Variants in DRD5 observed in about 807,000 individuals in gnomAD.
The protein encoded by DRD5 is D(1B) dopamine receptor.
For missense variants in DRD5, 758 were observed against 657.8 expected (o/e 1.15, Z -1.67); for synonymous variants, 327 against 277.1 (o/e 1.18, Z -1.79).
rs1718429124 is a variant in DRD5 at position 9,781,811 on chromosome 4, G to A, written c.-219G>A. On this transcript the variant is annotated 5_prime_UTR_variant, in exon 1 of 1. Transcript: ENST00000304374. ...GCTTCCTGTCCCCATCGCGGAGACTGGAGGGGCGCACCACGGCCATGGAGC... is the reference window on the plus strand; with the variant it reads ...GCTTCCTGTCCCCATCGCGGAGACTAGAGGGGCGCACCACGGCCATGGAGC... 3 of 436,070 alleles carry A rather than the reference G, an allele frequency of 6.9e-6. No individual in the cohort carries two copies. The highest frequency in any genetic ancestry group is 1.2e-5 in the Non-Finnish European group (3 of 251,274). The allele number at this position is 436,070 out of a possible 1,614,324, so 27.0% of individuals were successfully genotyped here.
At position 9,783,296 on chromosome 4, in the gene DRD5, C is replaced by A. The variant is rs557760549; in HGVS notation, c.1267C>A (p.Arg423=). Residue 423 remains arginine (R), a synonymous_variant, in exon 1 of 1, where the codon CGG becomes AGG. Coordinates refer to ENST00000304374, the MANE Select transcript of DRD5 (RefSeq NM_000798.5). ...MMPNAVTPGN[R]EVDNDEEEGP... is the part of the protein sequence containing the mutation. ...GCCCAACGCCGTTACCCCCGGCAAC[C>A]GGGAGGTGGACAACGACGAGGAGGA... The A allele has an allele frequency of 6.2e-7, 1 of 1,614,208 alleles. No individual in the cohort carries two copies. Among genetic ancestry groups the A allele is most frequent in the Admixed American group, 1.7e-5 (1 of 60,030 alleles).
In DRD5 at chr4:9,782,121, CG is replaced by C. The variant is rs2108849817; in HGVS notation, c.97del (p.Ala33HisfsTer15). ...LAQGNAVGGSAGAPPLGPSQV... is the reference protein window; with the variant it reads ...LAQGNAVGGSXGAPPLGPSQV... ...CAGGGGAACGCCGTGGGGGGCTCGGCGGGGGCACCGCCACTGGGGCCCTCAC... is the reference window on the plus strand; with the variant it reads ...CAGGGGAACGCCGTGGGGGGCTCGGCGGGGCACCGCCACTGGGGCCCTCAC... On this transcript the variant is annotated frameshift_variant, in exon 1 of 1. Transcript: ENST00000304374. LOFTEE classifies it low-confidence loss of function (END_TRUNC). 1.3e-6 allele frequency: 2 copies of C among 1,545,932 alleles called. No homozygotes were observed. Among genetic ancestry groups the C allele is most frequent in the Non-Finnish European group, 1.7e-6 (2 of 1,145,876 alleles).
rs374715955 is a variant in DRD5, at chr4:9,782,898, A to C, written c.869A>C (p.Lys290Thr). The change falls in exon 1 of 1, where the codon AAG becomes ACG. Residue 290 changes from lysine (K) to threonine (T), a missense_variant. Lys to Thr is a moderately conservative substitution (Grantham distance 78, BLOSUM62 -1). Transcript: ENST00000304374. ...PDTSLRASIKKETKVLKTLSV... is the reference protein window; with the variant it reads ...PDTSLRASIKTETKVLKTLSV... Reference sequence around the variant, plus strand: ...ACCAGCCTGCGCGCTTCCATCAAGAAGGAGACCAAGGTTCTCAAGACCCTG... The same window carrying C: ...ACCAGCCTGCGCGCTTCCATCAAGACGGAGACCAAGGTTCTCAAGACCCTG... 1 of 1,613,862 alleles carries C rather than the reference A, an allele frequency of 6.2e-7. No individual in the cohort carries two copies. The highest frequency in any genetic ancestry group is 1.3e-5 in the African/African-American group (1 of 74,946).
rs2227852 is a variant in DRD5 at position 9,782,741 on chromosome 4, G to A, written c.712G>A (p.Val238Ile). 2 of 1,614,004 alleles carry A rather than the reference G, an allele frequency of 1.2e-6. No homozygotes were observed. The highest frequency in any genetic ancestry group is 1.7e-6 in the Non-Finnish European group (2 of 1,179,868). The change falls in exon 1 of 1, where the codon GTT becomes ATT. Residue 238 changes from valine (V) to isoleucine (I), a missense_variant. Physicochemically the swap from Val to Ile is conservative, Grantham distance 29. Transcript: ENST00000304374. ...CTCGCTCATCAGCTTCTACATCCCC[G>A]TTGCCATCATGATCGTGACCTACAC... is the stretch of plus-strand genomic sequence containing the variant. ...SSSLISFYIPVAIMIVTYTRI... is the reference protein window; with the variant it reads ...SSSLISFYIPIAIMIVTYTRI...
chr4:9,782,351 C>A lies in DRD5; in HGVS notation c.322C>A (p.Pro108Thr), dbSNP rs761938234. 1.7e-5 allele frequency: 28 copies of A among 1,613,922 alleles called. No homozygotes were observed. Among genetic ancestry groups the A allele is most frequent in the Non-Finnish European group, 2.4e-5 (28 of 1,179,890 alleles). ...KAVAEVAGYW[P>T]FGAFCDVWVA... The stretch of plus-strand genomic sequence containing the variant: ...AGTCGCCGAGGTGGCCGGTTACTGG[C>A]CCTTTGGAGCGTTCTGCGACGTCTG... The change falls in exon 1 of 1, where the codon CCC (proline) becomes ACC (threonine). Residue 108 changes from proline (P) to threonine (T), a missense_variant. Pro to Thr is a conservative substitution (Grantham distance 38). Coordinates refer to ENST00000304374, the MANE Select transcript of DRD5 (RefSeq NM_000798.5).
Position 9,782,190 on chromosome 4 carries a change from C to T in DRD5, c.161C>T (p.Thr54Ile). The T allele has an allele frequency of 6.2e-7, 1 of 1,607,066 alleles. No homozygotes were observed. Among genetic ancestry groups the T allele is most frequent in the South Asian group, 1.1e-5 (1 of 90,046 alleles). ...ACLLTLLIIW[T>I]LLGNVLVCAA... ...CTGCTGACCCTACTCATCATCTGGA[C>T]CCTGCTGGGCAACGTGCTGGTGTGC... Residue 54 changes from threonine (T) to isoleucine (I), a missense_variant, in exon 1 of 1, where the codon ACC becomes ATC. Thr to Ile is a moderately conservative substitution (Grantham distance 89). Coordinates refer to ENST00000304374, the MANE Select transcript of DRD5 (RefSeq NM_000798.5).
Position 9,782,011 on chromosome 4 carries a change from C to A in DRD5, c.-19C>A. The A allele has an allele frequency of 6.9e-7, 1 of 1,445,238 alleles. No homozygotes were observed. The highest frequency in any genetic ancestry group is 9.1e-7 in the Non-Finnish European group (1 of 1,102,782). The allele number at this position is 1,445,238 out of a possible 1,614,324, so 89.5% of individuals were successfully genotyped here. On this transcript the variant is annotated 5_prime_UTR_variant, in exon 1 of 1. Transcript: ENST00000304374. ...GAAGTTGGGACCGCGCACAGACCGC[C>A]CCTGCAGTCCAGCCCGAAATGCTGC...
In DRD5 at chr4:9,782,634, C is replaced by T; in HGVS notation, c.605C>T (p.Pro202Leu). The T allele has an allele frequency of 6.2e-7, 1 of 1,613,990 alleles. No individual in the cohort carries two copies. Among genetic ancestry groups the T allele is most frequent in the Non-Finnish European group, 8.5e-7 (1 of 1,179,860 alleles). Reference protein sequence around the residue: ...DLPNNLANWTPWEEDFWEPDV... With the variant: ...DLPNNLANWTLWEEDFWEPDV... Reference sequence around the variant, plus strand: ...CCAAACAACCTGGCCAACTGGACGCCCTGGGAGGAGGACTTTTGGGAGCCC... The same window carrying T: ...CCAAACAACCTGGCCAACTGGACGCTCTGGGAGGAGGACTTTTGGGAGCCC... Residue 202 changes from proline (P) to leucine (L), a missense_variant, in exon 1 of 1, where the codon CCC becomes CTC. Transcript: ENST00000304374.
Position 9,782,024 on chromosome 4 carries a change from CCCGAAATGCTGCCGCCAGGCA to C in DRD5, c.-5_16del. 1 of 1,458,024 alleles carries C rather than the reference CCCGAAATGCTGCCGCCAGGCA, an allele frequency of 6.9e-7. No homozygotes were observed. The highest frequency in any genetic ancestry group is 9.0e-7 in the Non-Finnish European group (1 of 1,110,066). 90.3% of individuals were successfully genotyped at this position (1,458,024 alleles called of 1,614,324 possible). On this transcript the variant is annotated start_lost and 5_prime_UTR_variant, in exon 1 of 1. Transcript: ENST00000304374. ...CGCACAGACCGCCCCTGCAGTCCAG[CCCGAAATGCTGCCGCCAGGCA>C]GCAACGGCACCGCGTACCCGGGGCA...
Position 9,782,333 on chromosome 4 carries a change from G to A in DRD5, c.304G>A (p.Glu102Lys), listed in dbSNP as rs1301629076. 1 of 1,614,038 alleles carries A rather than the reference G, an allele frequency of 6.2e-7. No homozygotes were observed. The highest frequency in any genetic ancestry group is 8.5e-7 in the Non-Finnish European group (1 of 1,179,880). Residue 102 changes from glutamate (E) to lysine (K), a missense_variant, in exon 1 of 1, where the codon GAG becomes AAG. Coordinates refer to ENST00000304374, the MANE Select transcript of DRD5 (RefSeq NM_000798.5). ...LLVMPWKAVA[E>K]VAGYWPFGAF... ...GGTCATGCCCTGGAAGGCAGTCGCCGAGGTGGCCGGTTACTGGCCCTTTGG... is the reference window on the plus strand; with the variant it reads ...GGTCATGCCCTGGAAGGCAGTCGCCAAGGTGGCCGGTTACTGGCCCTTTGG...
chr4:9,783,542 C>A lies in DRD5; in HGVS notation c.*79C>A. 2.3e-6 allele frequency: 3 copies of A among 1,306,976 alleles called. No individual in the cohort carries two copies. Among genetic ancestry groups the A allele is most frequent in the Non-Finnish European group, 3.2e-6 (3 of 947,808 alleles). 81.0% of individuals were successfully genotyped at this position (1,306,976 alleles called of 1,614,324 possible). A position where few individuals can be genotyped will look rare whatever the true frequency, so the allele number is the denominator to read the frequency against. The stretch of plus-strand genomic sequence containing the variant: ...GCACGCACACACACGCAAATACATG[C>A]CTTTCCAGTGCTGCTCCCTTTATCA... On this transcript the variant is annotated 3_prime_UTR_variant, in exon 1 of 1. Transcript: ENST00000304374.
At position 9,783,010 on chromosome 4, in the gene DRD5, A is replaced by G. The variant is rs369500815; in HGVS notation, c.981A>G (p.Glu327=). The G allele has an allele frequency of 1.1e-4, 179 of 1,614,068 alleles. 1 individual carries two copies. Among genetic ancestry groups the G allele is most frequent in the Non-Finnish European group, 1.4e-4 (166 of 1,180,034 alleles). ...CMVPFCSGHP[E]GPPAGFPCVS... is the part of the protein sequence containing the mutation. The stretch of plus-strand genomic sequence containing the variant: ...TCCCTTTCTGCAGTGGACACCCCGA[A>G]GGCCCTCCGGCCGGCTTCCCCTGCG... The change falls in exon 1 of 1, where the codon GAA becomes GAG. Residue 327 remains glutamate (E), a synonymous_variant. Coordinates refer to ENST00000304374, the MANE Select transcript of DRD5 (RefSeq NM_000798.5).
chr4:9,782,810 T>C lies in DRD5; in HGVS notation c.781T>C (p.Ser261Pro), dbSNP rs1311896189. The part of the protein sequence containing the change: ...IAQVQIRRIS[S>P]LERAAEHAQS... The stretch of plus-strand genomic sequence containing the variant: ...CCAGGTGCAGATCCGCAGGATTTCC[T>C]CCCTGGAGAGGGCCGCAGAGCACGC... Residue 261 changes from serine to proline, a missense_variant, in exon 1 of 1, where the codon TCC (serine) becomes CCC (proline). By Grantham distance (74) the Ser-to-Pro change is moderately conservative. Transcript: ENST00000304374. 2.5e-6 allele frequency: 4 copies of C among 1,613,740 alleles called. No homozygotes were observed. The highest frequency in any genetic ancestry group is 3.3e-5 in the Admixed American group (2 of 60,004).
Position 9,781,904 on chromosome 4 carries a change from G to A in DRD5, c.-126G>A, listed in dbSNP as rs576892102. On this transcript the variant is annotated 5_prime_UTR_variant, in exon 1 of 1. Coordinates refer to ENST00000304374, the MANE Select transcript of DRD5 (RefSeq NM_000798.5). ...CAGCCCGGCGCAGCTCATGGTGAGC[G>A]CCCTCTGGGGCTCGAGGGTCCCTTG... 14 of 818,670 alleles carry A rather than the reference G, an allele frequency of 1.7e-5. No homozygotes were observed. The East Asian group carries it at 3.3e-4, about 19-fold the overall frequency. 50.7% of individuals were successfully genotyped at this position (818,670 alleles called of 1,614,324 possible).
At position 9,781,924 on chromosome 4, in the gene DRD5, C is replaced by G; in HGVS notation, c.-106C>G. 1 of 1,025,986 alleles carries G rather than the reference C, an allele frequency of 9.7e-7. No homozygotes were observed. Among genetic ancestry groups the G allele is most frequent in the Non-Finnish European group, 1.3e-6 (1 of 747,190 alleles). 63.6% of individuals were successfully genotyped at this position (1,025,986 alleles called of 1,614,324 possible). ...TGAGCGCCCTCTGGGGCTCGAGGGTCCCTTGGCTGAGGGGGCGCATCCTCG... is the reference window on the plus strand; with the variant it reads ...TGAGCGCCCTCTGGGGCTCGAGGGTGCCTTGGCTGAGGGGGCGCATCCTCG... On this transcript the variant is annotated 5_prime_UTR_variant, in exon 1 of 1. Coordinates refer to ENST00000304374, the MANE Select transcript of DRD5 (RefSeq NM_000798.5).
Position 9,782,614 on chromosome 4 carries a change from C to G in DRD5, c.585C>G (p.Asn195Lys). ...CTTGGGGCGGGCTGGACCTGCCAAACAACCTGGCCAACTGGACGCCCTGGG... is the reference window on the plus strand; with the variant it reads ...CTTGGGGCGGGCTGGACCTGCCAAAGAACCTGGCCAACTGGACGCCCTGGG... ...AASWGGLDLP[N>K]NLANWTPWEE... The change falls in exon 1 of 1, where the codon AAC (asparagine) becomes AAG (lysine). Residue 195 changes from asparagine to lysine, a missense_variant. Asn to Lys is a moderately conservative substitution (Grantham distance 94). Transcript: ENST00000304374. The G allele has an allele frequency of 6.2e-7, 1 of 1,614,000 alleles. No homozygotes were observed. Among genetic ancestry groups the G allele is most frequent in the Non-Finnish European group, 8.5e-7 (1 of 1,179,874 alleles).
chr4:9,782,314 G>T lies in DRD5; in HGVS notation c.285G>T (p.Met95Ile). 1 of 1,614,034 alleles carries T rather than the reference G, an allele frequency of 6.2e-7. No homozygotes were observed. The highest frequency in any genetic ancestry group is 8.5e-7 in the Non-Finnish European group (1 of 1,179,880). Residue 95 changes from methionine (M) to isoleucine (I), a missense_variant, in exon 1 of 1, where the codon ATG (methionine) becomes ATT (isoleucine). Coordinates refer to ENST00000304374, the MANE Select transcript of DRD5 (RefSeq NM_000798.5). ...ACCTTTTCGTGGCGCTGCTGGTCAT[G>T]CCCTGGAAGGCAGTCGCCGAGGTGG... ...VSDLFVALLV[M>I]PWKAVAEVAG...
rs776553499 is a variant in DRD5, at chr4:9,782,848, G to C, written c.819G>C (p.Arg273=). 6 of 1,612,600 alleles carry C rather than the reference G, an allele frequency of 3.7e-6. No individual in the cohort carries two copies. Among genetic ancestry groups the C allele is most frequent in the Non-Finnish European group, 5.1e-6 (6 of 1,179,590 alleles). Residue 273 remains arginine (R), a synonymous_variant, in exon 1 of 1, where the codon CGG becomes CGC. Coordinates refer to ENST00000304374, the MANE Select transcript of DRD5 (RefSeq NM_000798.5). ...CCGCAGAGCACGCGCAGAGCTGCCG[G>C]AGCAGCGCAGCCTGCGCGCCCGACA... is the stretch of plus-strand genomic sequence containing the variant. ...ERAAEHAQSC[R]SSAACAPDTS... is the part of the protein sequence containing the mutation.
At position 9,782,474 on chromosome 4, in the gene DRD5, A is replaced by G. The variant is rs575640830; in HGVS notation, c.445A>G (p.Lys149Glu). 29 of 1,613,918 alleles carry G rather than the reference A, an allele frequency of 1.8e-5. No individual in the cohort carries two copies. The African/African-American group carries it at 3.6e-4, about 20-fold the overall frequency. ...YWAISRPFRYKRKMTQRMALV... is the reference protein window; with the variant it reads ...YWAISRPFRYERKMTQRMALV... ...GGCCATCTCCAGGCCCTTCCGCTAC[A>G]AGCGCAAGATGACTCAGCGCATGGC... The change falls in exon 1 of 1, where the codon AAG (lysine) becomes GAG (glutamate). Residue 149 changes from lysine (K) to glutamate (E), a missense_variant. Physicochemically the swap from Lys to Glu is moderately conservative, Grantham distance 56. Coordinates refer to ENST00000304374, the MANE Select transcript of DRD5 (RefSeq NM_000798.5).
Sources: gnomAD v4.1 joint callset for allele counts on GRCh38, gnomAD v4.1.1 for gene constraint, MANE v1.5 for transcripts, NCBI Gene and HGNC (gene_info 2026-07-23, HGNC 2026-07-21) for gene names.